The following GRID1 variants were observed in gnomAD, a reference collection of about 807,000 sequenced individuals.
GRID1 encodes glutamate receptor ionotropic, delta-1.
A neutral mutation model predicts 98.0 loss-of-function variants in GRID1; 28 were observed. The ratio of observed to expected loss-of-function variants is 0.29; its 90% CI spans 0.21 to 0.39. The LOEUF (loss-of-function observed/expected upper bound fraction) is 0.39, where lower values mean the gene tolerates loss of function less well. Among genes scored for constraint, GRID1 ranks in the 10% least tolerant of loss-of-function variants. The probability of loss-of-function intolerance (pLI) is 1.00; values close to 1 mark genes in which losing one functional copy is unlikely to be tolerated. For missense variants in GRID1, 1,111 were observed against 1,340.5 expected (o/e 0.83, Z 2.67); for synonymous variants, 553 against 538.5 (o/e 1.03, Z -0.37).
intron 8 of GRID1, among the ~76,000 whole-genome samples, chr10:85,750,297 A>G (rs1324511845): frequency 6.6e-6 from 1 of 152,192 alleles, no homozygotes; most frequent in Non-Finnish European, 1.5e-5. Flanking sequence ...AAAAGCACAC[A>G]ACTCTTCTGA....
intron 4 of GRID1, among the ~76,000 whole-genome samples, chr10:85,948,991 A>C (rs1343163749): frequency 6.6e-6 from 1 of 152,162 alleles, no homozygotes; most frequent in East Asian, 1.9e-4. Flanking sequence ...CCCACACAGG[A>C]ATACACAAAC....
chr10:85,657,624 C>G (rs892099888), intron 12 of GRID1, among the ~76,000 whole-genome samples: 9 of 152,194 alleles, frequency 5.9e-5, no homozygotes, highest in African/African-American at 2.2e-4. Context: ...TGCAGAGAAG[C>G]AGGCCTAGTA....
chr10:86,119,844 G>T (rs1844640309), intron 4 of GRID1, among the ~76,000 whole-genome samples: 1 of 152,088 alleles, frequency 6.6e-6, no homozygotes, highest in South Asian at 2.1e-4. Context: ...AGGCTGGAGT[G>T]CAGTCGCGCC....
intron 4 of GRID1, among the ~76,000 whole-genome samples, chr10:85,991,998 G>A (rs971535586): frequency 6.6e-6 from 1 of 152,152 alleles, no homozygotes; most frequent in Non-Finnish European, 1.5e-5. Flanking sequence ...TCCTAGAGGG[G>A]AAATTGGGAT....
rs74148726 is a variant in GRID1, at chr10:85,641,874, C to T, written c.2193+5328G>A. Among the ~76,000 whole-genome samples, 144 of 152,276 alleles carry T rather than the reference C, an allele frequency of 9.5e-4. 1 individual carries two copies. Among genetic ancestry groups the T allele is most frequent in the African/African-American group, 3.2e-3 (134 of 41,544 alleles). ...GGGGCAGAGCCCGGATGCTATTCAA[C>T]GGTGCAGAGCTGGATGATGCACTAC... On this transcript the variant is annotated intron_variant, in intron 13 of 15. Transcript: ENST00000327946.
At position 86,030,695 on chromosome 10, in the gene GRID1, T is replaced by C. The variant is rs193301478; in HGVS notation, c.726+108124A>G. ...TACCACTCCAGAGTGGGGAATGATATAGGAGTTAAGAAGAAATCATTTAGG... is the reference window on the plus strand; with the variant it reads ...TACCACTCCAGAGTGGGGAATGATACAGGAGTTAAGAAGAAATCATTTAGG... On this transcript the variant is annotated intron_variant, in intron 4 of 15. Coordinates refer to ENST00000327946, the MANE Select transcript of GRID1 (RefSeq NM_017551.3). Among the ~76,000 whole-genome samples the C allele has an allele frequency of 3.8e-4, 58 of 152,304 alleles. No individual in the cohort carries two copies. In the East Asian group the frequency reaches 0.011, roughly 28 times the overall value.
In GRID1 at chr10:86,355,190, C is replaced by T. The variant is rs112393616; in HGVS notation, c.235+8751G>A. ...TATTCCATTTTACAGTCAGGGAAAC[C>T]GAGGTTGCCCACCCAGAGTCAGAAA... is the stretch of plus-strand genomic sequence containing the variant. On this transcript the variant is annotated intron_variant, in intron 2 of 15. Coordinates refer to ENST00000327946, the MANE Select transcript of GRID1 (RefSeq NM_017551.3). Among the ~76,000 whole-genome samples the T allele has an allele frequency of 4.9e-3, 742 of 152,344 alleles. 5 individuals are homozygous for T. The highest frequency in any genetic ancestry group is 0.017 in the African/African-American group (706 of 41,566).
At chr10:86,153,952 G>A (rs1009931032) in intron 3 of GRID1, among the ~76,000 whole-genome samples, 2 of 152,048 alleles carry the variant, frequency 1.3e-5, no homozygotes, top group East Asian at 1.9e-4. Context: ...TACCATCCTC[G>A]GGCTGATCCA....
chr10:86,240,500 G>T (rs1037864125), intron 2 of GRID1, among the ~76,000 whole-genome samples: 1 of 151,116 alleles, frequency 6.6e-6, no homozygotes, highest in Non-Finnish European at 1.5e-5. Flanking sequence ...AAGGCAGCAG[G>T]TCAGTGAAGC....
At chr10:86,290,102 CT>C (rs1210211972) in intron 2 of GRID1, among the ~76,000 whole-genome samples, 1 of 152,224 alleles carries the variant, frequency 6.6e-6, no homozygotes, top group East Asian at 1.9e-4. Flanking sequence ...AACGAATTCC[CT>C]TTTTTACTTA....
At chr10:86,180,353 G>T (rs1450080005) in intron 3 of GRID1, among the ~76,000 whole-genome samples, 2 of 152,176 alleles carry the variant, frequency 1.3e-5, no homozygotes, top group East Asian at 3.9e-4. Flanking sequence ...CCAGGGCCAT[G>T]CTTGGGCAGG....
At chr10:85,718,689 C>T (rs886122848) in intron 12 of GRID1, among the ~76,000 whole-genome samples, 4 of 152,234 alleles carry the variant, frequency 2.6e-5, no homozygotes, top group Non-Finnish European at 5.9e-5. Context: ...AGGTTGCACA[C>T]AGCACAGGGA....
chr10:86,139,961 A>G (rs1482011511), intron 3 of GRID1, among the ~76,000 whole-genome samples: 1 of 152,242 alleles, frequency 6.6e-6, no homozygotes, highest in Non-Finnish European at 1.5e-5. Flanking sequence ...TCCCAAAAAG[A>G]GACATGCCCA....
At chr10:86,299,254 C>G (rs974469388) in intron 2 of GRID1, among the ~76,000 whole-genome samples, 1 of 140,274 alleles carries the variant, frequency 7.1e-6, no homozygotes, top group Non-Finnish European at 1.5e-5. Flanking sequence ...ATAACATAAA[C>G]TTTATATCCT....
chr10:85,743,109 C>CCCCG (rs1554828622), intron 8 of GRID1, among the ~76,000 whole-genome samples: 1 of 127,810 alleles, frequency 7.8e-6, no homozygotes, highest in Non-Finnish European at 1.7e-5. Flanking sequence ...TATGCAGCCC[C>CCCCG]CCCCCCCACC....
At chr10:86,046,431 A>T (rs756839673) in intron 4 of GRID1, among the ~76,000 whole-genome samples, 1 of 152,164 alleles carries the variant, frequency 6.6e-6, no homozygotes, top group Non-Finnish European at 1.5e-5. Context: ...GGGCAAATCC[A>T]GGAACCTTCA....
At chr10:86,045,915 A>G (rs1332638718) in intron 4 of GRID1, among the ~76,000 whole-genome samples, 1 of 152,146 alleles carries the variant, frequency 6.6e-6, no homozygotes, top group Admixed American at 6.5e-5. Context: ...ACTCTTGGGG[A>G]GATCTCTGAG....
At chr10:86,102,957 T>C (rs931487649) in intron 4 of GRID1, among the ~76,000 whole-genome samples, 4 of 152,086 alleles carry the variant, frequency 2.6e-5, no homozygotes, top group African/African-American at 7.2e-5. Context: ...AAAAGAACAA[T>C]TCCCCTGCAG....
In GRID1 at chr10:85,613,640, C is replaced by T. The variant is rs1842758367; in HGVS notation, c.2368G>A (p.Glu790Lys). Residue 790 changes from glutamate to lysine, a missense_variant, in exon 15 of 16, where the codon GAG becomes AAG. Physicochemically the swap from Glu to Lys is moderately conservative, Grantham distance 56. This residue lies in a region of GRID1 where 762 missense variants were observed against 869.1 expected (regional missense o/e 0.88). Coordinates refer to ENST00000327946, the MANE Select transcript of GRID1 (RefSeq NM_017551.3). ...TCCAGGTCCCCTGTGTCCTGCAGCTCCAGGATCCTGTAAGACACAATCAAG... is the reference window on the plus strand; with the variant it reads ...TCCAGGTCCCCTGTGTCCTGCAGCTTCAGGATCCTGTAAGACACAATCAAG... ...YRDLFSQRILELQDTGDLDVL... is the reference protein window; with the variant it reads ...YRDLFSQRILKLQDTGDLDVL... 4.3e-6 allele frequency: 7 copies of T among 1,613,444 alleles called. No homozygotes were observed. Among genetic ancestry groups the T allele is most frequent in the Non-Finnish European group, 5.9e-6 (7 of 1,179,526 alleles).
Sources: allele counts gnomAD v4.1 joint callset (sites outside exome capture counted in the v4.1 genomes callset), GRCh38; gene constraint gnomAD v4.1.1; regional missense constraint gnomAD v4.1.1; transcripts MANE v1.5; gene names NCBI Gene and HGNC (gene_info 2026-07-23, HGNC 2026-07-21).